GCNT2: variants seen among roughly 807,000 people sequenced by gnomAD.
The protein encoded by GCNT2 is N-acetyllactosaminide beta-1,6-N-acetylglucosaminyl-transferase.
Under a neutral mutation model 34.2 loss-of-function variants are expected in GCNT2, and 34 were observed. That is an observed-to-expected ratio of 1.00 (90% CI 0.76 to 1.32). The LOEUF (loss-of-function observed/expected upper bound fraction) is 1.32. GCNT2 is among the 40% of genes most tolerant of loss of function. The pLI is 0.00. For missense variants in GCNT2, 584 were observed against 489.4 expected (o/e 1.19, Z -1.82); for synonymous variants, 212 against 188.0 (o/e 1.13, Z -1.04).
chr6:10,585,790 A>C, intron 3 of GCNT2: 1 of 1,437,956 alleles, frequency 7.0e-7, no homozygotes. Flanking sequence ...GACGCACCGC[A>C]TCTCCAGGCA....
intron 3 of GCNT2, among the ~76,000 whole-genome samples, chr6:10,590,590 T>G (rs1488101964): frequency 6.6e-6 from 1 of 151,074 alleles, no homozygotes; most frequent in Non-Finnish European, 1.5e-5. Flanking sequence ...AGTCTTGCTC[T>G]GTCGCCAGGC....
At chr6:10,586,257 G>T in intron 3 of GCNT2, 1 of 1,614,180 alleles carries the variant, frequency 6.2e-7, no homozygotes. Flanking sequence ...TCCCCTGTCG[G>T]AAGAAGAGGC....
intron 3 of GCNT2, among the ~76,000 whole-genome samples, chr6:10,611,203 G>C (rs1006457922): frequency 2.0e-5 from 3 of 149,672 alleles, no homozygotes; most frequent in African/African-American, 7.4e-5. Context: ...GCAACATAGT[G>C]AGAGGAGAGC....
chr6:10,590,901 G>C (rs1435112793), intron 3 of GCNT2, among the ~76,000 whole-genome samples: 1 of 152,160 alleles, frequency 6.6e-6, no homozygotes, highest in Non-Finnish European at 1.5e-5. Flanking sequence ...CTCTCATAAA[G>C]AATGTCCTTC....
intron 3 of GCNT2, among the ~76,000 whole-genome samples, chr6:10,597,599 A>G (rs1337252220): frequency 2.6e-5 from 4 of 151,706 alleles, no homozygotes; most frequent in Non-Finnish European, 4.4e-5. Context: ...GGTGTCTCCA[A>G]GGCTATGAGG....
chr6:10,561,526 T>C (rs1762981282), intron 3 of GCNT2, among the ~76,000 whole-genome samples: 1 of 152,234 alleles, frequency 6.6e-6, no homozygotes, highest in Non-Finnish European at 1.5e-5. Flanking sequence ...TAATTTTTGC[T>C]TTACGCTTTG....
At chr6:10,563,390 T>C (rs950001405) in intron 3 of GCNT2, among the ~76,000 whole-genome samples, 1 of 152,142 alleles carries the variant, frequency 6.6e-6, no homozygotes, top group African/African-American at 2.4e-5. Flanking sequence ...TTAATTCTTA[T>C]AAAACCCCAT....
intron 3 of GCNT2, among the ~76,000 whole-genome samples, chr6:10,540,979 C>T (rs1195165887): frequency 6.6e-6 from 1 of 152,104 alleles, no homozygotes; most frequent in Non-Finnish European, 1.5e-5. Flanking sequence ...ACCCTCCATC[C>T]GTTTTGAGGA....
At chr6:10,605,573 C>G (rs554004132) in intron 3 of GCNT2, among the ~76,000 whole-genome samples, 1 of 151,996 alleles carries the variant, frequency 6.6e-6, no homozygotes, top group Admixed American at 6.6e-5. Flanking sequence ...ATTCAAAATG[C>G]CTGGGAGATG....
chr6:10,567,740 G>C (rs1338958117), intron 3 of GCNT2, among the ~76,000 whole-genome samples: 1 of 152,144 alleles, frequency 6.6e-6, no homozygotes, highest in African/African-American at 2.4e-5. Context: ...ATCTTTTCTG[G>C]AAGTTGTTAC....
chr6:10,578,224 C>T (rs1454357231), intron 3 of GCNT2, among the ~76,000 whole-genome samples: 3 of 151,548 alleles, frequency 2.0e-5, no homozygotes, highest in Non-Finnish European at 2.9e-5. Flanking sequence ...AACCCCGTGT[C>T]TAATAAAAAC....
intron 3 of GCNT2, among the ~76,000 whole-genome samples, chr6:10,598,545 C>T (rs1052250580): frequency 6.6e-6 from 1 of 152,186 alleles, no homozygotes; most frequent in African/African-American, 2.4e-5. Flanking sequence ...AGAACTCAGG[C>T]CAGCCACCCT....
intron 3 of GCNT2, among the ~76,000 whole-genome samples, chr6:10,598,529 C>G (rs1203623860): frequency 6.6e-6 from 1 of 152,188 alleles, no homozygotes; most frequent in East Asian, 1.9e-4. Flanking sequence ...ACTACTGCTA[C>G]AATGTAGAAC....
At chr6:10,607,022 C>T (rs1485997040) in intron 3 of GCNT2, among the ~76,000 whole-genome samples, 3 of 152,080 alleles carry the variant, frequency 2.0e-5, no homozygotes, top group Non-Finnish European at 4.4e-5. Context: ...CCTCGGCTCA[C>T]TGCAACCACC....
intron 3 of GCNT2, among the ~76,000 whole-genome samples, chr6:10,568,245 C>G (rs1403364527): frequency 1.3e-5 from 2 of 152,030 alleles, no homozygotes; most frequent in South Asian, 2.1e-4. Context: ...CTCGAAGCTT[C>G]CACGAGTGCC....
chr6:10,577,158 A>G (rs1303912667), intron 3 of GCNT2, among the ~76,000 whole-genome samples: 1 of 152,244 alleles, frequency 6.6e-6, no homozygotes, highest in African/African-American at 2.4e-5. Context: ...ACTTTGGCCT[A>G]GCAACTTTAC....
chr6:10,531,433 C>T (rs1283325344), intron 3 of GCNT2, among the ~76,000 whole-genome samples: 1 of 152,236 alleles, frequency 6.6e-6, no homozygotes, highest in Non-Finnish European at 1.5e-5. Context: ...ACATTACGAT[C>T]ATCTGGGGCT....
chr6:10,613,747 T>C (rs1416926751), intron 3 of GCNT2, among the ~76,000 whole-genome samples: 4 of 152,164 alleles, frequency 2.6e-5, no homozygotes. Flanking sequence ...GTATACAGTG[T>C]TTTTTCTGTG....
intron 3 of GCNT2, chr6:10,574,841 G>A (rs775354597): frequency 1.4e-4 from 95 of 670,562 alleles, no homozygotes; most frequent in Middle Eastern, 3.7e-4. Flanking sequence ...GCAGGCTGGC[G>A]CTTCAGTTGA....
Sources: gnomAD v4.1 joint callset for allele counts (sites outside exome capture counted in the v4.1 genomes callset) on GRCh38, gnomAD v4.1.1 for gene constraint, MANE v1.5 for transcripts, NCBI Gene and HGNC (gene_info 2026-07-23, HGNC 2026-07-21) for gene names.